The following SCGB2B2 variants were observed in gnomAD, a reference collection of about 807,000 sequenced individuals.
The protein encoded by SCGB2B2 is secretoglobin-like protein.
SCGB2B2 carries 11 observed loss-of-function variants against 7.6 expected under a neutral mutation model. The observed-to-expected ratio is 1.45, with a 90% CI of 0.91 to 2.40. SCGB2B2 has a LOEUF of 2.40. Among genes scored for constraint, SCGB2B2 ranks in the 30% most tolerant of loss-of-function variants. The probability of loss-of-function intolerance (pLI) is 0.00; values close to 1 mark genes in which losing one functional copy is unlikely to be tolerated. For synonymous variants in SCGB2B2, 50 were observed against 48.6 expected (o/e 1.03, Z -0.12); for missense variants, 104 against 115.4 (o/e 0.90, Z 0.45).
chr19:34,606,457 A>G (rs192655082), intron 1 of SCGB2B2, among the ~76,000 whole-genome samples: 6 of 152,140 alleles, frequency 3.9e-5, no homozygotes, highest in Non-Finnish European at 7.4e-5. Flanking sequence ...TTATTTGAGT[A>G]AAAAGGGAGA....
intron 1 of SCGB2B2, among the ~76,000 whole-genome samples, chr19:34,629,314 A>C (rs1343164132): frequency 6.6e-6 from 1 of 151,936 alleles, no homozygotes; most frequent in Non-Finnish European, 1.5e-5. Context: ...CAATTAGGAA[A>C]AGAGGAAGTC....
intron 1 of SCGB2B2, among the ~76,000 whole-genome samples, chr19:34,655,914 A>C (rs2067269562): frequency 6.6e-6 from 1 of 151,252 alleles, no homozygotes; most frequent in Non-Finnish European, 1.5e-5. Context: ...AAAAAACCAA[A>C]GGGCAACATT....
chr19:34,635,373 T>A (rs1018741327), intron 1 of SCGB2B2: 1 of 281,822 alleles, frequency 3.5e-6, no homozygotes, highest in African/African-American at 2.3e-5. Flanking sequence ...AGTGTGAAGG[T>A]TTTTATGCCT....
intron 1 of SCGB2B2, among the ~76,000 whole-genome samples, chr19:34,658,906 C>T (rs575821577): frequency 7.3e-5 from 11 of 151,628 alleles, no homozygotes; most frequent in East Asian, 1.9e-4. Context: ...ACTGGCAAAC[C>T]GAATCCAGCA....
chr19:34,613,879 C>A (rs1600047475), intron 1 of SCGB2B2, among the ~76,000 whole-genome samples: 1 of 152,214 alleles, frequency 6.6e-6, no homozygotes, highest in South Asian at 2.1e-4. Flanking sequence ...ATTTCTGAAG[C>A]ATAGCTTTGC....
At chr19:34,600,804 G>A (rs1486591401) in intron 1 of SCGB2B2, among the ~76,000 whole-genome samples, 1 of 152,040 alleles carries the variant, frequency 6.6e-6, no homozygotes, top group African/African-American at 2.4e-5. Context: ...TGTTGAAAAT[G>A]TCTTCCCCAA....
At chr19:34,657,615 C>T (rs2067317069) in intron 1 of SCGB2B2, among the ~76,000 whole-genome samples, 1 of 152,102 alleles carries the variant, frequency 6.6e-6, no homozygotes, top group Admixed American at 6.6e-5. Flanking sequence ...TCCTTAGAGA[C>T]CTACAAAGAG....
chr19:34,593,530 T>C lies in SCGB2B2; in HGVS notation c.*25A>G, dbSNP rs565380117. The C allele has an allele frequency of 1.8e-4, 275 of 1,538,386 alleles. 2 individuals carry two copies. In the East Asian group the frequency reaches 6.3e-3, roughly 35 times the overall value. ...GCCCCAAGGAAGGCAGGAGGGCCAA[T>C]ATCTGATCTGCAGGGGTCCTCAGAT... On this transcript the variant is annotated 3_prime_UTR_variant, in exon 4 of 4. Coordinates refer to ENST00000601241, the MANE Select transcript of SCGB2B2 (RefSeq NM_001025591.4).
At position 34,635,750 on chromosome 19, in the gene SCGB2B2, G is replaced by A. The variant is rs534994441; in HGVS notation, c.-2031-39156C>T. ...TATTTCTGGGTGAATTCTGGGTCTG[G>A]TACTGGAGAAGGCCTGACCTGGGCA... On this transcript the variant is annotated intron_variant, in intron 1 of 3. Coordinates refer to ENST00000601241, the MANE Select transcript of SCGB2B2 (RefSeq NM_001025591.4). 4.9e-4 allele frequency: 81 copies of A among 165,608 alleles called. 1 individual carries two copies. The highest frequency in any genetic ancestry group is 9.6e-4 in the Non-Finnish European group (73 of 75,934). The allele number at this position is 165,608 out of a possible 1,614,324, so 10.3% of individuals were successfully genotyped here. A position where few individuals can be genotyped will look rare whatever the true frequency, so the allele number is the denominator to read the frequency against.
chr19:34,612,943 G>A (rs988889064), intron 1 of SCGB2B2, among the ~76,000 whole-genome samples: 1 of 151,996 alleles, frequency 6.6e-6, no homozygotes, highest in Non-Finnish European at 1.5e-5. Context: ...ATGATCCTTT[G>A]TCATGGAGTC....
intron 1 of SCGB2B2, among the ~76,000 whole-genome samples, chr19:34,653,891 C>A (rs1467600316): frequency 6.6e-6 from 1 of 150,648 alleles, no homozygotes; most frequent in African/African-American, 2.5e-5. Context: ...AAATCATTTC[C>A]TCTAAGATCA....
chr19:34,611,098 T>C (rs1000288721), intron 1 of SCGB2B2, among the ~76,000 whole-genome samples: 1 of 152,188 alleles, frequency 6.6e-6, no homozygotes, highest in Non-Finnish European at 1.5e-5. Context: ...GGTTTTCTAA[T>C]TTGTTAGCTT....
At chr19:34,605,547 T>C (rs1242133822) in intron 1 of SCGB2B2, among the ~76,000 whole-genome samples, 1 of 152,204 alleles carries the variant, frequency 6.6e-6, no homozygotes, top group Non-Finnish European at 1.5e-5. Flanking sequence ...ATTTTCTCAT[T>C]GACAAATTCT....
At position 34,671,443 on chromosome 19, in the gene SCGB2B2, C is replaced by CTTT. The variant is rs55786074; in HGVS notation, c.-2032+4184_-2032+4186dup. On this transcript the variant is annotated intron_variant, in intron 1 of 3. Coordinates refer to ENST00000601241, the MANE Select transcript of SCGB2B2 (RefSeq NM_001025591.4). ...ATCGTTTAACTTTATGCATCTTTTT[C>CTTT]TTTTTTTTTTGCTATTCTAAGTGCT... is the stretch of plus-strand genomic sequence containing the variant. Among the ~76,000 whole-genome samples, 196 of 149,248 alleles carry CTTT rather than the reference C, an allele frequency of 1.3e-3. 1 individual carries two copies. In the East Asian group the frequency reaches 0.015, roughly 11 times the overall value.
intron 1 of SCGB2B2, among the ~76,000 whole-genome samples, chr19:34,651,424 G>T (rs2067159224): frequency 6.6e-6 from 1 of 150,942 alleles, no homozygotes; most frequent in South Asian, 2.1e-4. Flanking sequence ...ACTGATCAAC[G>T]AATTCATTAA....
chr19:34,644,505 T>G (rs1212924935), intron 1 of SCGB2B2, among the ~76,000 whole-genome samples: 2 of 152,144 alleles, frequency 1.3e-5, no homozygotes, highest in African/African-American at 4.8e-5. Flanking sequence ...TTTTCATCAT[T>G]TCAAACAAAA....
chr19:34,601,885 A>G (rs1188341345), intron 1 of SCGB2B2, among the ~76,000 whole-genome samples: 1 of 152,082 alleles, frequency 6.6e-6, no homozygotes, highest in Non-Finnish European at 1.5e-5. Flanking sequence ...CCCAAGGGGA[A>G]GGGTTTCTTG....
At chr19:34,657,001 G>A (rs2067301299) in intron 1 of SCGB2B2, among the ~76,000 whole-genome samples, 1 of 151,146 alleles carries the variant, frequency 6.6e-6, no homozygotes, top group African/African-American at 2.5e-5. Context: ...GGAGGAAAAA[G>A]CAAATATGCA....
Position 34,591,131 on chromosome 19 carries a change from C to T in SCGB2B2, c.*2424G>A, listed in dbSNP as rs1346290341. Among the ~76,000 whole-genome samples the T allele has an allele frequency of 1.3e-5, 2 of 152,134 alleles. No individual in the cohort carries two copies. Among genetic ancestry groups the T allele is most frequent in the East Asian group, 1.9e-4 (1 of 5,196 alleles). The stretch of plus-strand genomic sequence containing the variant: ...CTATTCCATGAGCTCCAAACTAGAG[C>T]GTCTCACACCCCCTGTGTCCCGTCC... On this transcript the variant is annotated 3_prime_UTR_variant, in exon 4 of 4. Transcript: ENST00000601241.
Sources: gnomAD v4.1 joint callset for allele counts (sites outside exome capture counted in the v4.1 genomes callset) on GRCh38, gnomAD v4.1.1 for gene constraint, MANE v1.5 for transcripts, NCBI Gene and HGNC (gene_info 2026-07-23, HGNC 2026-07-21) for gene names.